GFRA2: variants seen among roughly 807,000 people sequenced by gnomAD.
GFRA2 encodes the protein GDNF family receptor alpha 2, also known as GDNF family receptor alpha-2.
GFRA2 carries 17 observed loss-of-function variants against 48.3 expected under a neutral mutation model. The ratio of observed to expected loss-of-function variants is 0.35; its 90% CI spans 0.24 to 0.53. The LOEUF is 0.53. Among genes scored for constraint, GFRA2 ranks in the 20% least tolerant of loss-of-function variants. The pLI is 0.93. For synonymous variants in GFRA2, 305 were observed against 257.2 expected (o/e 1.19, Z -1.78); for missense variants, 660 against 637.3 (o/e 1.04, Z -0.38).
intron 4 of GFRA2, among the ~76,000 whole-genome samples, chr8:21,713,912 T>A (rs1313655562): frequency 1.3e-5 from 2 of 152,106 alleles, no homozygotes; most frequent in African/African-American, 4.8e-5. Flanking sequence ...ATATCCACAC[T>A]TTATGGCTTA....
chr8:21,751,316 G>T (rs748475355), intron 3 of GFRA2, among the ~76,000 whole-genome samples: 1 of 152,118 alleles, frequency 6.6e-6, no homozygotes, highest in Non-Finnish European at 1.5e-5. Flanking sequence ...GTCATACAAC[G>T]AGGGGGCCCC....
intron 1 of GFRA2, chr8:21,812,188 CA>C (rs889819041): frequency 4.6e-5 from 7 of 152,360 alleles, no homozygotes; most frequent in African/African-American, 1.7e-4. Flanking sequence ...TGGCCCAGGA[CA>C]AAGGGAACCC....
chr8:21,694,075 T>TATATATA (rs1563209422), intron 8 of GFRA2, among the ~76,000 whole-genome samples: 20 of 49,132 alleles, frequency 4.1e-4, no homozygotes, highest in African/African-American at 9.9e-4. Flanking sequence ...ATTTATTTAT[T>TATATATA]TTTATATATA....
At chr8:21,768,064 G>A (rs1806266476) in intron 3 of GFRA2, among the ~76,000 whole-genome samples, 1 of 152,178 alleles carries the variant, frequency 6.6e-6, no homozygotes, top group Non-Finnish European at 1.5e-5. Context: ...GCGGCCCCAA[G>A]CGCCGTGAGA....
At chr8:21,755,161 C>T (rs1286651487) in intron 3 of GFRA2, among the ~76,000 whole-genome samples, 1 of 152,092 alleles carries the variant, frequency 6.6e-6, no homozygotes. Flanking sequence ...AGACGTTTGT[C>T]CAAACCCACA....
At chr8:21,787,770 T>A (rs1170734945) in intron 1 of GFRA2, among the ~76,000 whole-genome samples, 1 of 152,222 alleles carries the variant, frequency 6.6e-6, no homozygotes, top group Non-Finnish European at 1.5e-5. Flanking sequence ...AGTTGGATAT[T>A]TTTTTTTCTT....
Position 21,713,215 on chromosome 8 carries a change from G to T in GFRA2, c.795-7174C>A, listed in dbSNP as rs145676831. On this transcript the variant is annotated intron_variant, in intron 4 of 8. Transcript: ENST00000524240. Reference sequence around the variant, plus strand: ...TTTTGTTTTGTTTTGTTTTTGAGATGGACTCTTTCTCTTTTGCCCATGCTG... The same window carrying T: ...TTTTGTTTTGTTTTGTTTTTGAGATTGACTCTTTCTCTTTTGCCCATGCTG... Among the ~76,000 whole-genome samples the T allele has an allele frequency of 4.8e-3, 735 of 152,128 alleles. 3 individuals carry two copies. Among genetic ancestry groups the T allele is most frequent in the African/African-American group, 0.016 (669 of 41,504 alleles).
chr8:21,782,460 T>C, intron 2 of GFRA2, 125 bp downstream of exon 2: 1 of 702,836 alleles, frequency 1.4e-6, no homozygotes, highest in Non-Finnish European at 2.4e-6. Context: ...CCCTAGCAGG[T>C]AGACATAGAG....
At chr8:21,770,236 G>A (rs988459689) in intron 3 of GFRA2, among the ~76,000 whole-genome samples, 7 of 152,350 alleles carry the variant, frequency 4.6e-5, no homozygotes, top group South Asian at 2.1e-4. Context: ...CTAGAATGCC[G>A]GGTTCTAGGC....
intron 4 of GFRA2, among the ~76,000 whole-genome samples, chr8:21,718,508 C>G (rs1803441617): frequency 6.6e-6 from 1 of 152,164 alleles, no homozygotes; most frequent in Non-Finnish European, 1.5e-5. Flanking sequence ...TGAACAGTGC[C>G]TGCAACACAG....
intron 7 of GFRA2, among the ~76,000 whole-genome samples, chr8:21,700,622 T>C (rs911496596): frequency 1.3e-5 from 2 of 152,176 alleles, no homozygotes; most frequent in African/African-American, 2.4e-5. Flanking sequence ...ACCAGGCCTC[T>C]GGTGGCTTGG....
chr8:21,762,386 T>C (rs1805958704), intron 3 of GFRA2, among the ~76,000 whole-genome samples: 1 of 152,198 alleles, frequency 6.6e-6, no homozygotes, highest in African/African-American at 2.4e-5. Context: ...TACTGCTCTG[T>C]AGGTCAGGGT....
chr8:21,802,675 GATC>G (rs2117115552), intron 2 of GFRA2, among the ~76,000 whole-genome samples: 1 of 152,124 alleles, frequency 6.6e-6, no homozygotes, highest in East Asian at 1.9e-4. Context: ...AATAAGACAG[GATC>G]AAAAAGCATA....
chr8:21,705,171 C>A (rs776131515), intron 5 of GFRA2, 46 bp from the exon 6 acceptor site: 63 of 1,568,460 alleles, frequency 4.0e-5, no homozygotes, highest in Middle Eastern at 2.3e-4. Flanking sequence ...TACGGTGGGG[C>A]CTTCCCCTTG....
At chr8:21,702,756 A>T in intron 7 of GFRA2, 49 bp downstream of exon 7, 3 of 1,514,994 alleles carry the variant, frequency 2.0e-6, no homozygotes, top group Non-Finnish European at 2.6e-6. Context: ...TTCCCATGCC[A>T]CTTCCGGTGC....
chr8:21,707,854 T>A (rs1175527484), intron 4 of GFRA2, among the ~76,000 whole-genome samples: 2 of 152,260 alleles, frequency 1.3e-5, no homozygotes, highest in Non-Finnish European at 2.9e-5. Flanking sequence ...CATTTTCTGT[T>A]ATGTGTATTT....
chr8:21,763,835 C>T (rs1444105434), intron 3 of GFRA2, among the ~76,000 whole-genome samples: 1 of 151,802 alleles, frequency 6.6e-6, no homozygotes, highest in Non-Finnish European at 1.5e-5. Flanking sequence ...ACCCCCTGAG[C>T]TCCTCAGCCC....
chr8:21,790,406 C>T (rs1807539904), upstream of GFRA2, among the ~76,000 whole-genome samples: 1 of 152,212 alleles, frequency 6.6e-6, no homozygotes. Context: ...TCTTAAATAA[C>T]AAGACTCTGG....
At position 21,693,413 on chromosome 8, in the gene GFRA2, C is replaced by G; in HGVS notation, c.1273-13G>C. The stretch of plus-strand genomic sequence containing the variant: ...TATTTGTCGTGAGCTGAGTCCGCAG[C>G]AGGAGAAGAATCAGGAACAAAGAGA... On this transcript the variant is annotated splice_polypyrimidine_tract_variant and intron_variant, in intron 8 of 8. Coordinates refer to ENST00000524240, the MANE Select transcript of GFRA2 (RefSeq NM_001495.5). 2 of 1,599,018 alleles carry G rather than the reference C, an allele frequency of 1.3e-6. No individual in the cohort carries two copies. Among genetic ancestry groups the G allele is most frequent in the Middle Eastern group, 3.3e-4 (2 of 6,016 alleles).
Sources: allele counts gnomAD v4.1 joint callset (sites outside exome capture counted in the v4.1 genomes callset), GRCh38; gene constraint gnomAD v4.1.1; transcripts MANE v1.5; gene names NCBI Gene and HGNC (gene_info 2026-07-23, HGNC 2026-07-21).